The following ATF2 variants were observed in gnomAD, a reference collection of about 807,000 sequenced individuals.
The protein encoded by ATF2 is activating transcription factor 2, also known as cyclic AMP-dependent transcription factor ATF-2.
In ATF2, 24 loss-of-function variants were observed where a neutral mutation model predicts 60.6. The ratio of observed to expected loss-of-function variants is 0.40; its 90% CI spans 0.29 to 0.56. The LOEUF (loss-of-function observed/expected upper bound fraction) is 0.56. ATF2 is among the 20% of genes least tolerant of loss of function. ATF2 has a pLI of 0.54. For missense variants in ATF2, 433 were observed against 607.7 expected (o/e 0.71, Z 3.02); for synonymous variants, 206 against 215.4 (o/e 0.96, Z 0.38).
chr2:175,136,507 A>G, intron 2 of ATF2, 21 bp from the exon 3 acceptor site: 2 of 1,448,066 alleles, frequency 1.4e-6, no homozygotes, highest in Non-Finnish European at 1.9e-6. Flanking sequence ...AAGTGGTTTC[A>G]CACTGTTAAA....
intron 2 of ATF2, among the ~76,000 whole-genome samples, chr2:175,141,030 A>T (rs11687294): frequency 0.13 from 4,583 of 35,024 alleles, 366 homozygotes; most frequent in African/African-American, 0.16. Context: ...AAAAAAAAAA[A>T]ATATATATAT....
intron 9 of ATF2, among the ~76,000 whole-genome samples, chr2:175,113,365 T>C (rs956860625): frequency 6.6e-6 from 1 of 151,872 alleles, no homozygotes; most frequent in African/African-American, 2.4e-5. Flanking sequence ...ACAATCCTCC[T>C]ACCTCAGCCG....
intron 5 of ATF2, among the ~76,000 whole-genome samples, chr2:175,121,207 T>G (rs1324970836): frequency 6.6e-6 from 1 of 151,824 alleles, no homozygotes; most frequent in African/African-American, 2.4e-5. Context: ...CCCAGAGTTC[T>G]AATGAACTTC....
chr2:175,080,685 G>A lies in ATF2; in HGVS notation c.1266C>T (p.Ala422=). 1 of 1,612,932 alleles carries A rather than the reference G, an allele frequency of 6.2e-7. No homozygotes were observed. Among genetic ancestry groups the A allele is most frequent in the African/African-American group, 1.3e-5 (1 of 74,990 alleles). ...LLAHKDCPVT[A]MQKKSGYHTA... Reference sequence around the variant, plus strand: ...TATGATAGCCAGATTTCTTCTGCATGGCGGTTACAGGGCAATCTTTATGAG... The same window carrying A: ...TATGATAGCCAGATTTCTTCTGCATAGCGGTTACAGGGCAATCTTTATGAG... The change falls in exon 13 of 14, where the codon GCC becomes GCT. Residue 422 remains alanine, a synonymous_variant. Transcript: ENST00000264110.
intron 12 of ATF2, among the ~76,000 whole-genome samples, chr2:175,088,913 T>G (rs763327780): frequency 1.3e-5 from 2 of 152,152 alleles, no homozygotes; most frequent in Non-Finnish European, 2.9e-5. Context: ...TGGGTGCAGT[T>G]GCTCATGCCT....
chr2:175,115,390 A>G (rs1331867622), intron 7 of ATF2, among the ~76,000 whole-genome samples: 2 of 152,290 alleles, frequency 1.3e-5, no homozygotes, highest in East Asian at 3.9e-4. Context: ...TAATTTCTTC[A>G]TATCAAAAGG....
chr2:175,155,847 T>A (rs1012626364), intron 1 of ATF2, among the ~76,000 whole-genome samples: 4 of 152,190 alleles, frequency 2.6e-5, no homozygotes, highest in African/African-American at 9.7e-5. Flanking sequence ...AAAAGTGGTG[T>A]ATCTGGAAAA....
At chr2:175,081,648 AT>A (rs1693764034) in intron 12 of ATF2, among the ~76,000 whole-genome samples, 1 of 152,238 alleles carries the variant, frequency 6.6e-6, no homozygotes, top group Non-Finnish European at 1.5e-5. Flanking sequence ...AACCATTCAG[AT>A]TTCATCCATG....
chr2:175,129,183 A>G (rs1349320807), intron 4 of ATF2, among the ~76,000 whole-genome samples: 4 of 152,190 alleles, frequency 2.6e-5, no homozygotes, highest in Non-Finnish European at 5.9e-5. Context: ...CATAACATGG[A>G]GAAATATTGA....
Position 175,086,986 on chromosome 2 carries a change from T to TAC in ATF2, c.1185+6073_1185+6074dup, listed in dbSNP as rs565556578. Among the ~76,000 whole-genome samples, 62 of 151,810 alleles carry TAC rather than the reference T, an allele frequency of 4.1e-4. No individual in the cohort carries two copies. In the South Asian group the frequency reaches 0.012, roughly 30 times the overall value. On this transcript the variant is annotated intron_variant, in intron 12 of 13. Coordinates refer to ENST00000264110, the MANE Select transcript of ATF2 (RefSeq NM_001880.4). ...GACCTCAGAATATAAAAACAGAGGT[T>TAC]ACACACACACACAAAACCAGTCTGC...
chr2:175,117,155 T>C (rs1696631727), intron 7 of ATF2, among the ~76,000 whole-genome samples: 1 of 151,966 alleles, frequency 6.6e-6, no homozygotes, highest in African/African-American at 2.4e-5. Context: ...TAGGTGATTT[T>C]GGTTTTCTTT....
intron 1 of ATF2, among the ~76,000 whole-genome samples, chr2:175,158,171 C>T (rs979580311): frequency 5.9e-5 from 9 of 151,908 alleles, no homozygotes; most frequent in African/African-American, 2.2e-4. Flanking sequence ...AGTTTGAAAA[C>T]CTGCAGCCAC....
At chr2:175,146,810 G>A (rs919857976) in intron 2 of ATF2, among the ~76,000 whole-genome samples, 1 of 152,024 alleles carries the variant, frequency 6.6e-6, no homozygotes, top group East Asian at 1.9e-4. Flanking sequence ...AAAAAAAATA[G>A]CATGTATAGG....
intron 10 of ATF2, among the ~76,000 whole-genome samples, chr2:175,106,523 C>A (rs1467874220): frequency 6.7e-6 from 1 of 150,218 alleles, no homozygotes; most frequent in Non-Finnish European, 1.5e-5. Flanking sequence ...GAAAGACTGT[C>A]CAAAAACAAC....
intron 1 of ATF2, among the ~76,000 whole-genome samples, chr2:175,155,978 A>G (rs1699652308): frequency 6.6e-6 from 1 of 152,214 alleles, no homozygotes; most frequent in African/African-American, 2.4e-5. Context: ...TGAGTGTATT[A>G]GGCAGAATGG....
intron 12 of ATF2, among the ~76,000 whole-genome samples, chr2:175,087,355 C>G (rs1694239033): frequency 6.6e-6 from 1 of 152,114 alleles, no homozygotes. Flanking sequence ...AATTATTATT[C>G]TGGTCTAAAA....
intron 4 of ATF2, among the ~76,000 whole-genome samples, chr2:175,123,195 G>A (rs1040504836): frequency 4.6e-5 from 7 of 151,998 alleles, no homozygotes; most frequent in African/African-American, 1.7e-4. Flanking sequence ...AGAAACAGTG[G>A]TACTTTTGAC....
chr2:175,095,985 C>T (rs1694907866), intron 11 of ATF2, among the ~76,000 whole-genome samples: 2 of 152,014 alleles, frequency 1.3e-5, no homozygotes, highest in Admixed American at 1.3e-4. Context: ...CCTTTTGGTC[C>T]CTAAGTAAAG....
At chr2:175,108,652 G>A (rs1324728467) in intron 10 of ATF2, among the ~76,000 whole-genome samples, 1 of 152,190 alleles carries the variant, frequency 6.6e-6, no homozygotes, top group Non-Finnish European at 1.5e-5. Context: ...CCCTTTGCCT[G>A]GCCACCACCC....
Sources: allele counts gnomAD v4.1 joint callset (sites outside exome capture counted in the v4.1 genomes callset), GRCh38; gene constraint gnomAD v4.1.1; transcripts MANE v1.5; gene names NCBI Gene and HGNC (gene_info 2026-07-23, HGNC 2026-07-21).